Variants in PCDHGA5 observed in about 807,000 individuals in gnomAD.
The protein encoded by PCDHGA5 is protocadherin gamma subfamily A, 5.
PCDHGA5 carries 36 observed loss-of-function variants against 56.7 expected under a neutral mutation model. The observed-to-expected ratio is 0.64, with a 90% CI of 0.49 to 0.84. The LOEUF (loss-of-function observed/expected upper bound fraction) is 0.84. PCDHGA5 is among the 40% of genes least tolerant of loss of function. The pLI is 0.00. For missense variants in PCDHGA5, 1,305 were observed against 1,201.5 expected (o/e 1.09, Z -1.27); for synonymous variants, 563 against 520.2 (o/e 1.08, Z -1.12).
chr5:141,476,979 G>C lies in PCDHGA5; in HGVS notation c.2422-17828G>C. On this transcript the variant is annotated intron_variant, in intron 1 of 3. Coordinates refer to ENST00000518069, the MANE Select transcript of PCDHGA5 (RefSeq NM_018918.3). The surrounding 1 kb of genome is among the most constrained non-coding windows in gnomAD (Gnocchi z 7.6). Reference sequence around the variant, plus strand: ...ATTTACTCCTTCGGCAGCCACAACCGCGCCGGCGTGCGGCAACTATTCGCC... The same window carrying C: ...ATTTACTCCTTCGGCAGCCACAACCCCGCCGGCGTGCGGCAACTATTCGCC... 1 of 1,614,238 alleles carries C rather than the reference G, an allele frequency of 6.2e-7. No homozygotes were observed. The highest frequency in any genetic ancestry group is 1.3e-5 in the African/African-American group (1 of 75,074).
intron 1 of PCDHGA5, chr5:141,423,975 A>T: frequency 8.9e-7 from 1 of 1,126,024 alleles, no homozygotes; most frequent in Non-Finnish European, 1.1e-6. Flanking sequence ...TTATCAGTGT[A>T]TGAGGCTCTC....
In PCDHGA5 at chr5:141,431,265, G is replaced by T; in HGVS notation, c.2422-63542G>T. On this transcript the variant is annotated intron_variant, in intron 1 of 3. Transcript: ENST00000518069. The surrounding 1 kb of genome is among the most constrained non-coding windows in gnomAD (Gnocchi z 4.8). ...GATATCGGGAAGAACTCTCTGCAGAGCTACGAGCTCAGCCCGAACACTCAC... is the reference window on the plus strand; with the variant it reads ...GATATCGGGAAGAACTCTCTGCAGATCTACGAGCTCAGCCCGAACACTCAC... 1 of 1,614,168 alleles carries T rather than the reference G, an allele frequency of 6.2e-7. No homozygotes were observed. The highest frequency in any genetic ancestry group is 8.5e-7 in the Non-Finnish European group (1 of 1,180,054).
At chr5:141,497,745 G>C (rs1475395529) in intron 2 of PCDHGA5, among the ~76,000 whole-genome samples, 1 of 152,070 alleles carries the variant, frequency 6.6e-6, no homozygotes, top group Non-Finnish European at 1.5e-5. Flanking sequence ...CGCCACGTTG[G>C]CCAGGCTGGT....
At chr5:141,408,214 C>CT (rs1471079476) in intron 1 of PCDHGA5, 1 of 1,555,074 alleles carries the variant, frequency 6.4e-7, no homozygotes. Flanking sequence ...TGGGAGGGAG[C>CT]TGCGCGCAGA....
chr5:141,441,768 T>C, intron 1 of PCDHGA5: 1 of 387,074 alleles, frequency 2.6e-6, no homozygotes. Context: ...CCTGCGCGTG[T>C]TGGTGGACGA....
chr5:141,502,037 C>T (rs2154593041), intron 2 of PCDHGA5, among the ~76,000 whole-genome samples: 1 of 152,302 alleles, frequency 6.6e-6, no homozygotes, highest in East Asian at 1.9e-4. Context: ...CGCCGCTTGC[C>T]TGCTCTCCCT....
At chr5:141,385,619 T>C (rs1478717188) in intron 1 of PCDHGA5, 1 of 1,064,028 alleles carries the variant, frequency 9.4e-7, no homozygotes, top group Non-Finnish European at 1.2e-6. Flanking sequence ...ATTTTATACA[T>C]TGGAATGAAT....
chr5:141,386,620 C>T (rs73279071), intron 1 of PCDHGA5, among the ~76,000 whole-genome samples: 2 of 151,558 alleles, frequency 1.3e-5, no homozygotes, highest in Non-Finnish European at 2.9e-5. Context: ...CATGGAGTCT[C>T]GCTCTGTCAC....
At chr5:141,497,203 G>A (rs750138875) in intron 2 of PCDHGA5, among the ~76,000 whole-genome samples, 25 of 91,718 alleles carry the variant, frequency 2.7e-4, no homozygotes, top group Non-Finnish European at 4.9e-4. Flanking sequence ...AACAATGTGA[G>A]TGTAATGGGG....
At chr5:141,371,188 T>C (rs1206989931) in intron 1 of PCDHGA5, 1 of 1,614,030 alleles carries the variant, frequency 6.2e-7, no homozygotes. Flanking sequence ...TTAAAAGTGA[T>C]GGCCATTGAC....
chr5:141,392,971 G>T (rs2092639952), intron 1 of PCDHGA5: 1 of 1,613,896 alleles, frequency 6.2e-7, no homozygotes, highest in Non-Finnish European at 8.5e-7. Flanking sequence ...AAGGACCTGG[G>T]GCTGGACCCC....
intron 3 of PCDHGA5, chr5:141,507,089 C>T (rs564539147): frequency 2.0e-5 from 3 of 152,298 alleles, no homozygotes; most frequent in Admixed American, 1.3e-4. Context: ...TAAGTTTATG[C>T]TCTTTCTACT....
intron 1 of PCDHGA5, chr5:141,419,684 G>A (rs1286646418): frequency 5.4e-5 from 87 of 1,612,770 alleles, no homozygotes; most frequent in Non-Finnish European, 7.3e-5. Flanking sequence ...CTACCACGTG[G>A]TGCAGGCCAG....
chr5:141,419,248 AAAC>A (rs1229992972), intron 1 of PCDHGA5: 1 of 1,613,980 alleles, frequency 6.2e-7, no homozygotes, highest in Admixed American at 1.7e-5. Context: ...ACGTGCCAGA[AAAC>A]AACCAGCCGG....
chr5:141,470,452 G>A (rs981528762), intron 1 of PCDHGA5, among the ~76,000 whole-genome samples: 1 of 152,130 alleles, frequency 6.6e-6, no homozygotes, highest in Admixed American at 6.5e-5. Flanking sequence ...ATAGCATCTT[G>A]AATAGGATTT....
intron 2 of PCDHGA5, among the ~76,000 whole-genome samples, chr5:141,503,361 C>T (rs1021880248): frequency 6.6e-6 from 1 of 151,886 alleles, no homozygotes; most frequent in Non-Finnish European, 1.5e-5. Context: ...CTTTGGGAAG[C>T]GGAGGCAGGT....
intron 1 of PCDHGA5, chr5:141,393,007 G>T: frequency 6.2e-7 from 1 of 1,613,850 alleles, no homozygotes; most frequent in South Asian, 1.1e-5. Context: ...CACGGAGTCC[G>T]TATCGTCTCC....
At position 141,390,470 on chromosome 5, in the gene PCDHGA5, G is replaced by A; in HGVS notation, c.2421+23719G>A. On this transcript the variant is annotated intron_variant, in intron 1 of 3. Transcript: ENST00000518069. ...AGGAGTAAAGTAGGAGCAATTGTGTGGCCCAACATTTGTTTGTTTTTTAGC... is the reference window on the plus strand; with the variant it reads ...AGGAGTAAAGTAGGAGCAATTGTGTAGCCCAACATTTGTTTGTTTTTTAGC... 4.3e-6 allele frequency: 3 copies of A among 699,244 alleles called. No individual in the cohort carries two copies. In the South Asian group the frequency reaches 6.0e-5, roughly 14 times the overall value. The allele number at this position is 699,244 out of a possible 1,614,324, so 43.3% of individuals were successfully genotyped here.
chr5:141,413,668 G>T lies in PCDHGA5; in HGVS notation c.2421+46917G>T, dbSNP rs1286766786. ...TCCTCTCCCGGAAGCTATTGATCCG[G>T]ATGTGGGCGTGAACTCCCTGCAGAG... is the stretch of plus-strand genomic sequence containing the variant. On this transcript the variant is annotated intron_variant, in intron 1 of 3. Transcript: ENST00000518069. 6 of 1,613,754 alleles carry T rather than the reference G, an allele frequency of 3.7e-6. No homozygotes were observed. The Admixed American group carries it at 8.3e-5, about 22-fold the overall frequency.
Sources: gnomAD v4.1 joint callset for allele counts (sites outside exome capture counted in the v4.1 genomes callset) on GRCh38, gnomAD v4.1.1 for gene constraint, Gnocchi (gnomAD v3.1) non-coding constraint, MANE v1.5 for transcripts, NCBI Gene and HGNC (gene_info 2026-07-23, HGNC 2026-07-21) for gene names.